PCDH9: variants seen among roughly 807,000 people sequenced by gnomAD.
PCDH9 encodes the protein protocadherin-9.
Under a neutral mutation model 70.6 loss-of-function variants are expected in PCDH9, and 24 were observed. That is an observed-to-expected ratio of 0.34 (90% CI 0.25 to 0.48). The LOEUF (loss-of-function observed/expected upper bound fraction) is 0.48. Ranked by LOEUF, PCDH9 falls within the 20% of genes least tolerant of loss-of-function variation. The pLI, the probability that PCDH9 is intolerant of heterozygous loss-of-function variation, is 0.99. For synonymous variants in PCDH9, 562 were observed against 558.5 expected (o/e 1.01, Z -0.09); for missense variants, 1,281 against 1,503.6 (o/e 0.85, Z 2.45).
chr13:66,577,787 TTGAC>T lies in PCDH9; in HGVS notation c.3340+53419_3340+53422del, dbSNP rs1363271943. Among the ~76,000 whole-genome samples the T allele has an allele frequency of 4.6e-5, 7 of 151,882 alleles. No individual in the cohort carries two copies. The East Asian group carries it at 5.8e-4, about 13-fold the overall frequency. Reference sequence around the variant, plus strand: ...TTTCAGAGTTATGGATTTTAGCACTTTGACTGAGGATTCAGATGCTCAGCAAACT... The same window carrying T: ...TTTCAGAGTTATGGATTTTAGCACTTTGAGGATTCAGATGCTCAGCAAACT... On this transcript the variant is annotated intron_variant, in intron 4 of 4. Coordinates refer to ENST00000377865, the MANE Select transcript of PCDH9 (RefSeq NM_203487.3).
At chr13:66,614,556 A>C (rs184548386) in intron 4 of PCDH9, among the ~76,000 whole-genome samples, 2 of 152,290 alleles carry the variant, frequency 1.3e-5, no homozygotes, top group Admixed American at 1.3e-4. Flanking sequence ...ACACTCGAAC[A>C]TTTAACAGCC....
chr13:67,050,080 G>T (rs1398088589), intron 2 of PCDH9, among the ~76,000 whole-genome samples: 1 of 152,140 alleles, frequency 6.6e-6, no homozygotes, highest in Non-Finnish European at 1.5e-5. Flanking sequence ...TGTGTGGGGT[G>T]CACAGAATGA....
chr13:66,886,238 A>T, intron 3 of PCDH9, among the ~76,000 whole-genome samples: 1 of 152,172 alleles, frequency 6.6e-6, no homozygotes, highest in Non-Finnish European at 1.5e-5. Flanking sequence ...TCAGAGTATA[A>T]CTGGCCAATT....
intron 3 of PCDH9, among the ~76,000 whole-genome samples, chr13:66,681,663 G>T (rs2078321682): frequency 6.6e-6 from 1 of 151,946 alleles, no homozygotes; most frequent in Non-Finnish European, 1.5e-5. Flanking sequence ...TTGCCTGACT[G>T]CTTCCTTTTA....
intron 4 of PCDH9, among the ~76,000 whole-genome samples, chr13:66,545,829 T>TTTTATTTA (rs1555304918): frequency 8.8e-5 from 13 of 147,452 alleles, no homozygotes; most frequent in African/African-American, 3.2e-4. Context: ...TTTTATTTTA[T>TTTTATTTA]TTTATTTATT....
rs1045343561 is a variant in PCDH9 at position 66,397,117 on chromosome 13, A to T, written c.3341-92089T>A. The stretch of plus-strand genomic sequence containing the variant: ...CTGTGTCTAAAAACGGTAACAACAA[A>T]CCATAAAAATATTATTTTTGTCTGG... On this transcript the variant is annotated intron_variant, in intron 4 of 4. Coordinates refer to ENST00000377865, the MANE Select transcript of PCDH9 (RefSeq NM_203487.3). 2.0e-5 allele frequency among the ~76,000 whole-genome samples: 3 copies of T among 152,068 alleles called. No homozygotes were observed. In the South Asian group the frequency reaches 6.2e-4, roughly 32 times the overall value.
intron 4 of PCDH9, among the ~76,000 whole-genome samples, chr13:66,328,692 A>T (rs907693890): frequency 5.3e-5 from 8 of 152,170 alleles, no homozygotes; most frequent in Non-Finnish European, 8.8e-5. Flanking sequence ...GAGGACAGTC[A>T]CCAAGTGTGA....
At chr13:66,342,905 C>T (rs1490412793) in intron 4 of PCDH9, among the ~76,000 whole-genome samples, 2 of 152,000 alleles carry the variant, frequency 1.3e-5, no homozygotes, top group African/African-American at 2.4e-5. Flanking sequence ...CTCATCCTCC[C>T]AAAGTTCTAG....
At chr13:67,176,236 T>C (rs2088451457) in intron 2 of PCDH9, among the ~76,000 whole-genome samples, 1 of 152,174 alleles carries the variant, frequency 6.6e-6, no homozygotes, top group South Asian at 2.1e-4. Flanking sequence ...AGAGCGGTGA[T>C]GCAGAGAAAG....
chr13:67,225,303 A>T, intron 2 of PCDH9, 102 bp downstream of exon 2: 1 of 1,347,656 alleles, frequency 7.4e-7, no homozygotes, highest in Non-Finnish European at 1.0e-6. Flanking sequence ...CTTTCTAACT[A>T]AGCTAAAGTT....
intron 4 of PCDH9, among the ~76,000 whole-genome samples, chr13:66,482,416 C>T (rs1958858183): frequency 1.3e-5 from 2 of 152,222 alleles, no homozygotes; most frequent in South Asian, 4.2e-4. Context: ...ACACGCAGGC[C>T]CCTCTATAGG....
At chr13:66,458,815 T>C (rs756841566) in intron 4 of PCDH9, among the ~76,000 whole-genome samples, 19 of 152,130 alleles carry the variant, frequency 1.2e-4, no homozygotes, top group Admixed American at 3.9e-4. Flanking sequence ...CCTAACCACT[T>C]AAACTAAAAG....
intron 2 of PCDH9, among the ~76,000 whole-genome samples, chr13:67,097,432 G>GA (rs764522352): frequency 5.9e-5 from 9 of 151,836 alleles, no homozygotes; most frequent in African/African-American, 1.5e-4. Flanking sequence ...CAACCAATTT[G>GA]AAAAAAATCA....
chr13:66,848,262 A>C (rs1264294419), intron 3 of PCDH9, among the ~76,000 whole-genome samples: 1 of 152,230 alleles, frequency 6.6e-6, no homozygotes, highest in African/African-American at 2.4e-5. Context: ...GGACATTTAC[A>C]ATTTAGAAAT....
At chr13:66,873,010 T>G (rs1422075480) in intron 3 of PCDH9, among the ~76,000 whole-genome samples, 1 of 152,286 alleles carries the variant, frequency 6.6e-6, no homozygotes, top group Non-Finnish European at 1.5e-5. Context: ...AGTCTAAAAC[T>G]TGAGTTCTAA....
In PCDH9 at chr13:66,704,924, A is replaced by G. The variant is rs112840210; in HGVS notation, c.3139-73513T>C. Reference sequence around the variant, plus strand: ...TATAACAAAACATATTTCTAATGCTAAACCCTTTATTATTTTATTGTTTAT... The same window carrying G: ...TATAACAAAACATATTTCTAATGCTGAACCCTTTATTATTTTATTGTTTAT... On this transcript the variant is annotated intron_variant, in intron 3 of 4. Coordinates refer to ENST00000377865, the MANE Select transcript of PCDH9 (RefSeq NM_203487.3). Among the ~76,000 whole-genome samples, 982 of 152,286 alleles carry G rather than the reference A, an allele frequency of 6.4e-3. 10 individuals are homozygous for G. The highest frequency in any genetic ancestry group is 0.022 in the African/African-American group (920 of 41,578).
chr13:66,916,424 T>G (rs2082558598), intron 2 of PCDH9, among the ~76,000 whole-genome samples: 1 of 151,558 alleles, frequency 6.6e-6, no homozygotes, highest in Non-Finnish European at 1.5e-5. Flanking sequence ...ACTATCTGCT[T>G]AACTCAATAT....
chr13:66,764,580 A>T lies in PCDH9; in HGVS notation c.3139-133169T>A, dbSNP rs1014595709. Among the ~76,000 whole-genome samples, 17 of 152,206 alleles carry T rather than the reference A, an allele frequency of 1.1e-4. No homozygotes were observed. In the East Asian group the frequency reaches 3.3e-3, roughly 29 times the overall value. On this transcript the variant is annotated intron_variant, in intron 3 of 4. Coordinates refer to ENST00000377865, the MANE Select transcript of PCDH9 (RefSeq NM_203487.3). ...TAATGTAATTTTAGAATTTAGCTTT[A>T]AATTGTCTGGTTTCTAAGACAAAAA...
intron 2 of PCDH9, among the ~76,000 whole-genome samples, chr13:66,913,595 G>A (rs904850976): frequency 1.3e-5 from 2 of 151,890 alleles, no homozygotes; most frequent in Non-Finnish European, 2.9e-5. Flanking sequence ...TGTAAGTTTA[G>A]ACCAAAGGAT....
Sources: allele counts gnomAD v4.1 joint callset (sites outside exome capture counted in the v4.1 genomes callset), GRCh38; gene constraint gnomAD v4.1.1; transcripts MANE v1.5; gene names NCBI Gene and HGNC (gene_info 2026-07-23, HGNC 2026-07-21).